The following B4GALT6 variants were observed in gnomAD, a reference collection of about 807,000 sequenced individuals.
B4GALT6 encodes beta-1,4-galactosyltransferase 6, also known as UDP-Gal:beta-GlcNAc beta-1,4-galactosyltransferase 6.
B4GALT6 carries 14 observed loss-of-function variants against 46.3 expected under a neutral mutation model. That is an observed-to-expected ratio of 0.30 (90% CI 0.20 to 0.47). The LOEUF is 0.47. Among genes scored for constraint, B4GALT6 ranks in the 20% least tolerant of loss-of-function variants. The pLI is 0.99. For synonymous variants in B4GALT6, 168 were observed against 162.0 expected (o/e 1.04, Z -0.28); for missense variants, 386 against 480.1 (o/e 0.80, Z 1.83).
upstream of B4GALT6, among the ~76,000 whole-genome samples, chr18:31,685,392 G>A (rs1052637743): frequency 2.0e-5 from 3 of 151,680 alleles, no homozygotes; most frequent in South Asian, 6.2e-4. Flanking sequence ...GAAGGGGCGG[G>A]GGAGCCGCGG....
chr18:31,712,688 T>G, the B4GALT6 span, among the ~76,000 whole-genome samples: 2 of 152,210 alleles, frequency 1.3e-5, no homozygotes, highest in African/African-American at 2.4e-5. Flanking sequence ...ATTTCTTCCT[T>G]CCTAATCCTT....
chr18:31,673,657 T>C (rs1053033602), intron 1 of B4GALT6, among the ~76,000 whole-genome samples: 1 of 152,222 alleles, frequency 6.6e-6, no homozygotes, highest in African/African-American at 2.4e-5. Flanking sequence ...AGTCCACATA[T>C]AAATATATGT....
At chr18:31,640,426 A>T (rs1218128541) in intron 4 of B4GALT6, among the ~76,000 whole-genome samples, 1 of 152,228 alleles carries the variant, frequency 6.6e-6, no homozygotes, top group African/African-American at 2.4e-5. Flanking sequence ...AGTTTCATTT[A>T]TAAAGAGAAC....
chr18:31,702,477 G>A, the B4GALT6 span, among the ~76,000 whole-genome samples: 10 of 152,140 alleles, frequency 6.6e-5, no homozygotes, highest in Non-Finnish European at 1.5e-4. Flanking sequence ...AGTTGATACA[G>A]CCTGACAGCT....
chr18:31,719,005 GC>G, the B4GALT6 span: 3 of 152,090 alleles, frequency 2.0e-5, no homozygotes, highest in Non-Finnish European at 4.4e-5. Context: ...CCCTACATGT[GC>G]GTCCCTCCTG....
chr18:31,638,822 T>C (rs1017734174), intron 4 of B4GALT6, 62 bp from the exon 5 acceptor site: 1 of 1,349,516 alleles, frequency 7.4e-7, no homozygotes, highest in African/African-American at 1.5e-5. Context: ...GAGGTAAGGA[T>C]AAAAATCAAT....
At chr18:31,639,982 A>G (rs1400112627) in intron 4 of B4GALT6, among the ~76,000 whole-genome samples, 2 of 152,170 alleles carry the variant, frequency 1.3e-5, no homozygotes, top group African/African-American at 4.8e-5. Flanking sequence ...TACTTTTCTC[A>G]GCAACTTCCT....
intron 1 of B4GALT6, among the ~76,000 whole-genome samples, chr18:31,680,801 G>A (rs1009917661): frequency 6.6e-6 from 1 of 152,328 alleles, no homozygotes; most frequent in African/African-American, 2.4e-5. Context: ...TGAACACCAT[G>A]GCTGGACACT....
chr18:31,642,291 C>T (rs1214940372), intron 4 of B4GALT6, among the ~76,000 whole-genome samples: 2 of 152,146 alleles, frequency 1.3e-5, no homozygotes, highest in Admixed American at 6.6e-5. Flanking sequence ...GATCCTTCTG[C>T]CACAGTCTTT....
At chr18:31,673,389 G>A (rs1405258069) in intron 1 of B4GALT6, among the ~76,000 whole-genome samples, 1 of 152,216 alleles carries the variant, frequency 6.6e-6, no homozygotes, top group Non-Finnish European at 1.5e-5. Context: ...CTGGAGAGGT[G>A]CAAGGGAGAG....
chr18:31,687,202 C>T (rs1270755382), upstream of B4GALT6, among the ~76,000 whole-genome samples: 1 of 152,158 alleles, frequency 6.6e-6, no homozygotes, highest in Non-Finnish European at 1.5e-5. Context: ...GTCGGTGCAG[C>T]CATTGTTGTG....
chr18:31,638,475 C>T (rs569003607), intron 5 of B4GALT6, among the ~76,000 whole-genome samples, 169 bp downstream of exon 5: 6 of 152,134 alleles, frequency 3.9e-5, no homozygotes, highest in African/African-American at 9.6e-5. Flanking sequence ...TGCAGTGAGC[C>T]GAGATCGCGC....
chr18:31,667,094 G>A (rs1362903653), intron 1 of B4GALT6, among the ~76,000 whole-genome samples: 1 of 152,036 alleles, frequency 6.6e-6, no homozygotes, highest in Non-Finnish European at 1.5e-5. Flanking sequence ...AAGCTTTATC[G>A]CAAAAATCCC....
the B4GALT6 span, among the ~76,000 whole-genome samples, chr18:31,696,763 C>A: frequency 2.0e-5 from 3 of 152,142 alleles, no homozygotes; most frequent in Non-Finnish European, 4.4e-5. Context: ...TTCATGTGGG[C>A]TTATTTTCTT....
At chr18:31,656,681 A>G (rs1431114226) in intron 3 of B4GALT6, among the ~76,000 whole-genome samples, 1 of 152,174 alleles carries the variant, frequency 6.6e-6, no homozygotes, top group Admixed American at 6.5e-5. Flanking sequence ...AAAACACCTA[A>G]GTAAAGTTAT....
chr18:31,701,840 AT>A, the B4GALT6 span, among the ~76,000 whole-genome samples: 1 of 152,194 alleles, frequency 6.6e-6, no homozygotes, highest in Non-Finnish European at 1.5e-5. Context: ...TTTGAAATGC[AT>A]AAGAGAGACA....
At chr18:31,653,397 A>C in intron 3 of B4GALT6, among the ~76,000 whole-genome samples, 2 of 141,884 alleles carry the variant, frequency 1.4e-5, no homozygotes, top group South Asian at 2.3e-4. Context: ...TCCAAAATAA[A>C]CTGCTGTCTC....
chr18:31,680,655 T>A (rs764708824), intron 1 of B4GALT6, among the ~76,000 whole-genome samples: 1 of 152,238 alleles, frequency 6.6e-6, no homozygotes, highest in African/African-American at 2.4e-5. Context: ...AGGGAAGTTA[T>A]GTAATCTCCT....
At chr18:31,649,649 A>C (rs1356808576) in intron 3 of B4GALT6, among the ~76,000 whole-genome samples, 1 of 152,154 alleles carries the variant, frequency 6.6e-6, no homozygotes, top group African/African-American at 2.4e-5. Flanking sequence ...CAACAAACAA[A>C]AAAAAATGCT....
Sources: gnomAD v4.1 joint callset for allele counts (sites outside exome capture counted in the v4.1 genomes callset) on GRCh38, gnomAD v4.1.1 for gene constraint, MANE v1.5 for transcripts, NCBI Gene and HGNC (gene_info 2026-07-23, HGNC 2026-07-21) for gene names.